Variants in TNKS1BP1 observed in about 807,000 individuals in gnomAD.
The protein encoded by TNKS1BP1 is CCR4-NOT transcription complex subunit 12.
In TNKS1BP1, 48 loss-of-function variants were observed where a neutral mutation model predicts 141.1. That is an observed-to-expected ratio of 0.34 (90% CI 0.27 to 0.43). TNKS1BP1 has a LOEUF of 0.43. Among genes scored for constraint, TNKS1BP1 ranks in the 20% least tolerant of loss-of-function variants. The probability of loss-of-function intolerance (pLI) is 1.00; values close to 1 mark genes in which losing one functional copy is unlikely to be tolerated. For synonymous variants in TNKS1BP1, 875 were observed against 898.2 expected, an observed-to-expected ratio of 0.97 and a Z score of 0.46; for missense variants, 2,149 against 2,226.0, an observed-to-expected ratio of 0.97 and a Z score of 0.70.
chr11:57,323,463 G>A (rs1855916455), intron 1 of TNKS1BP1, among the ~76,000 whole-genome samples: 1 of 152,126 alleles, frequency 6.6e-6, no homozygotes, highest in Non-Finnish European at 1.5e-5. Flanking sequence ...ACCTGCAAGG[G>A]GCATTGCCTC....
At chr11:57,300,719 G>A (rs1489416507) in intron 10 of TNKS1BP1, 119 bp from the exon 11 acceptor site, 90 of 1,505,016 alleles carry the variant, frequency 6.0e-5, no homozygotes, top group Non-Finnish European at 8.0e-5. Context: ...GGGCCTGGCT[G>A]CAGGGACCCA....
chr11:57,322,796 T>C (rs942611439), intron 1 of TNKS1BP1, among the ~76,000 whole-genome samples: 10 of 152,222 alleles, frequency 6.6e-5, no homozygotes, highest in African/African-American at 2.4e-4. Context: ...GGGCTCCACC[T>C]TCCACGACAG....
intron 1 of TNKS1BP1, 86 bp from the exon 2 acceptor site, chr11:57,322,036 A>G: frequency 4.5e-6 from 4 of 893,724 alleles, no homozygotes; most frequent in Non-Finnish European, 5.9e-6. Flanking sequence ...TTTCTAACAG[A>G]GGCAGAGTGT....
At position 57,312,879 on chromosome 11, in the gene TNKS1BP1, G is replaced by A. The variant is rs780682937; in HGVS notation, c.1809C>T (p.Leu603=). The A allele has an allele frequency of 3.1e-6, 5 of 1,608,334 alleles. No homozygotes were observed. The highest frequency in any genetic ancestry group is 2.5e-6 in the Non-Finnish European group (3 of 1,176,624). ...QEPLAGQESP[L]PLATREAALP... ...AGGCTGCCTCCCTGGTAGCCAGGGG[G>A]AGAGGGGACTCCTGTCCAGCCAAGG... is the stretch of plus-strand genomic sequence containing the variant. Residue 603 remains leucine, a synonymous_variant, in exon 5 of 12, where the codon CTC becomes CTT. Coordinates refer to ENST00000358252, the MANE Select transcript of TNKS1BP1 (RefSeq NM_033396.3).
At chr11:57,317,251 CAA>C (rs1855812637) in intron 4 of TNKS1BP1, among the ~76,000 whole-genome samples, 1 of 152,122 alleles carries the variant, frequency 6.6e-6, no homozygotes, top group Admixed American at 6.5e-5. Flanking sequence ...GCTGTATGAG[CAA>C]AAAGGGCCAT....
At chr11:57,322,244 A>G (rs1312872877) in intron 1 of TNKS1BP1, 1 of 1,075,634 alleles carries the variant, frequency 9.3e-7, no homozygotes, top group African/African-American at 1.6e-5. Context: ...TACAGTCCCC[A>G]CAGTGCCCCT....
intron 3 of TNKS1BP1, among the ~76,000 whole-genome samples, chr11:57,319,639 C>T (rs1052858774): frequency 2.0e-5 from 3 of 151,942 alleles, no homozygotes; most frequent in Admixed American, 6.6e-5. Flanking sequence ...TGGTGGCCCA[C>T]GCCTGTAATC....
In TNKS1BP1 at chr11:57,308,460, A is replaced by G; in HGVS notation, c.4251T>C (p.Ser1417=). ...PETQGEDYSS[S]SLEPHPADPG... Reference sequence around the variant, plus strand: ...GGTCTGCAGGGTGTGGCTCCAAGGAAGACGAGGAGTAATCTTCACCCTGGG... The same window carrying G: ...GGTCTGCAGGGTGTGGCTCCAAGGAGGACGAGGAGTAATCTTCACCCTGGG... The change falls in exon 6 of 12, where the codon TCT becomes TCC. Residue 1417 remains serine (S), a synonymous_variant. Transcript: ENST00000358252. 1 of 1,614,144 alleles carries G rather than the reference A, an allele frequency of 6.2e-7. No individual in the cohort carries two copies. Among genetic ancestry groups the G allele is most frequent in the Non-Finnish European group, 8.5e-7 (1 of 1,180,022 alleles).
chr11:57,301,844 A>G lies in TNKS1BP1; in HGVS notation c.4934T>C (p.Val1645Ala), dbSNP rs781099337. The G allele has an allele frequency of 6.2e-7, 1 of 1,614,132 alleles. No individual in the cohort carries two copies. Among genetic ancestry groups the G allele is most frequent in the Non-Finnish European group, 8.5e-7 (1 of 1,180,002 alleles). Residue 1645 changes from valine (V) to alanine (A), a missense_variant, in exon 9 of 12, where the codon GTC becomes GCC. By Grantham distance (64) the Val-to-Ala change is moderately conservative. Coordinates refer to ENST00000358252, the MANE Select transcript of TNKS1BP1 (RefSeq NM_033396.3). The part of the protein sequence containing the change: ...RMSLGTKGLK[V>A]NLFPGLSPSA... The stretch of plus-strand genomic sequence containing the variant: ...GGGGCTCAGGCCAGGAAAGAGGTTG[A>G]CTTTCAGCCCCTTGGTGCCCAACGA...
intron 9 of TNKS1BP1, 115 bp downstream of exon 9, chr11:57,301,692 G>A: frequency 7.1e-7 from 1 of 1,402,080 alleles, no homozygotes. Flanking sequence ...AGTGAGAGGA[G>A]GAATGGGAGA....
Position 57,309,657 on chromosome 11 carries a change from C to A in TNKS1BP1, c.3054G>T (p.Arg1018=), listed in dbSNP as rs1381554770. Residue 1018 remains arginine, a synonymous_variant, in exon 6 of 12, where the codon CGG becomes CGT. Coordinates refer to ENST00000358252, the MANE Select transcript of TNKS1BP1 (RefSeq NM_033396.3). The surrounding 1 kb of genome is among the most constrained non-coding windows in gnomAD (Gnocchi z 4.3). The stretch of plus-strand genomic sequence containing the variant: ...AGCCCCCGGATCCTCTCTCTCCTGG[C>A]CGGCCAGCATCCCTGCTGCCCTCTC... The part of the protein sequence containing the change: ...SLGEGSRDAG[R]PGERGSGGLF... 2 of 1,614,108 alleles carry A rather than the reference C, an allele frequency of 1.2e-6. No homozygotes were observed. Among genetic ancestry groups the A allele is most frequent in the Non-Finnish European group, 1.7e-6 (2 of 1,180,048 alleles).
intron 1 of TNKS1BP1, 30 bp from the exon 2 acceptor site, chr11:57,321,980 A>AG: frequency 6.5e-7 from 1 of 1,530,324 alleles, no homozygotes; most frequent in Non-Finnish European, 8.8e-7. Flanking sequence ...AGAAGGAAAA[A>AG]AAGAGTTGGG....
chr11:57,317,445 G>T (rs1855815202), intron 4 of TNKS1BP1, among the ~76,000 whole-genome samples: 1 of 152,220 alleles, frequency 6.6e-6, no homozygotes, highest in Non-Finnish European at 1.5e-5. Context: ...CCCTTTGTGA[G>T]TACAGGTGCT....
chr11:57,322,048 G>A (rs1369794577), intron 1 of TNKS1BP1, 98 bp from the exon 2 acceptor site: 27 of 1,136,124 alleles, frequency 2.4e-5, no homozygotes, highest in Non-Finnish European at 3.1e-5. Context: ...GCAGAGTGTG[G>A]GACAGGAAGA....
At chr11:57,319,878 C>T (rs1855854963) in intron 3 of TNKS1BP1, among the ~76,000 whole-genome samples, 1 of 151,846 alleles carries the variant, frequency 6.6e-6, no homozygotes, top group African/African-American at 2.4e-5. Flanking sequence ...ACTTTAAAAG[C>T]ATACAGTAAT....
chr11:57,320,150 T>C lies in TNKS1BP1; in HGVS notation c.657A>G (p.Gly219=), dbSNP rs1434669146. Residue 219 remains glycine (G), a synonymous_variant, in exon 3 of 12, where the codon GGA becomes GGG. Coordinates refer to ENST00000358252, the MANE Select transcript of TNKS1BP1 (RefSeq NM_033396.3). ...RDEDGSTLFR[G]WSQEGPVKSP... ...ACTTTACTGGCCCCTCCTGGGACCA[T>C]CCCCTGAAGAGGGTGCTGCCATCCT... 1.2e-6 allele frequency: 2 copies of C among 1,613,920 alleles called. No homozygotes were observed. Among genetic ancestry groups the C allele is most frequent in the Non-Finnish European group, 1.7e-6 (2 of 1,180,024 alleles).
At chr11:57,301,415 A>G (rs1855522239) in intron 9 of TNKS1BP1, among the ~76,000 whole-genome samples, 1 of 151,950 alleles carries the variant, frequency 6.6e-6, no homozygotes, top group Non-Finnish European at 1.5e-5. Flanking sequence ...GCCTTCTCCA[A>G]TCCACCCTCC....
At chr11:57,312,119 G>A (rs1314189531) in intron 5 of TNKS1BP1, among the ~76,000 whole-genome samples, 1 of 152,032 alleles carries the variant, frequency 6.6e-6, no homozygotes, top group African/African-American at 2.4e-5. Flanking sequence ...AGGAGCCCAC[G>A]CTCTAAATGG....
rs373840102 is a variant in TNKS1BP1 at position 57,302,210 on chromosome 11, G to A, written c.4698C>T (p.Leu1566=). 1.7e-5 allele frequency: 27 copies of A among 1,611,680 alleles called. No individual in the cohort carries two copies. The highest frequency in any genetic ancestry group is 4.5e-5 in the East Asian group (2 of 44,830). ...CACGGCTCCGATACATGGCACTGTC[G>A]AGGATCTCGGTGTCCTGCTTGGGGC... ...DFSFIEDTEI[L]DSAMYRSRAN... is the part of the protein sequence containing the mutation. The change falls in exon 8 of 12, where the codon CTC becomes CTT. Residue 1566 remains leucine, a synonymous_variant. Transcript: ENST00000358252. The surrounding 1 kb of genome is among the most constrained non-coding windows in gnomAD (Gnocchi z 5.5).
Sources: gnomAD v4.1 joint callset for allele counts (sites outside exome capture counted in the v4.1 genomes callset) on GRCh38, gnomAD v4.1.1 for gene constraint, Gnocchi (gnomAD v3.1) non-coding constraint, MANE v1.5 for transcripts, NCBI Gene and HGNC (gene_info 2026-07-23, HGNC 2026-07-21) for gene names.